HMCN1: variants seen among roughly 807,000 people sequenced by gnomAD.
HMCN1 encodes the protein hemicentin-1.
A neutral mutation model predicts 625.9 loss-of-function variants in HMCN1; 321 were observed. That is an observed-to-expected ratio of 0.51 (90% CI 0.47 to 0.56). The LOEUF is 0.56. HMCN1 is among the 20% of genes least tolerant of loss of function. The probability of loss-of-function intolerance (pLI) is 0.00; values close to 1 mark genes in which losing one functional copy is unlikely to be tolerated. For missense variants in HMCN1, 6,588 were observed against 6,887.3 expected (o/e 0.96, Z 1.54); for synonymous variants, 2,425 against 2,417.6 (o/e 1.00, Z -0.09).
rs577557367 is a variant in HMCN1, at chr1:185,806,080, ATAATAT to A, written c.269-39945_269-39940del. Reference sequence around the variant, plus strand: ...GTACAAACTTGATATAATAATAATAATAATATAATAATAGGTAACTTTTATTAAGAG... The same window carrying A: ...GTACAAACTTGATATAATAATAATAAAATAATAGGTAACTTTTATTAAGAG... On this transcript the variant is annotated intron_variant, in intron 1 of 106. Transcript: ENST00000271588. 2.1e-3 allele frequency among the ~76,000 whole-genome samples: 313 copies of A among 152,076 alleles called. 2 individuals are homozygous for A. The highest frequency in any genetic ancestry group is 7.0e-3 in the African/African-American group (291 of 41,534).
intron 1 of HMCN1, among the ~76,000 whole-genome samples, chr1:185,838,111 G>C (rs761876686): frequency 1.2e-4 from 19 of 152,064 alleles, no homozygotes; most frequent in Non-Finnish European, 2.5e-4. Flanking sequence ...TCTTCCTCAC[G>C]ATATAGGTTG....
At position 186,137,971 on chromosome 1, in the gene HMCN1, A is replaced by G; in HGVS notation, c.13923A>G (p.Pro4641=). Residue 4641 remains proline (P), a splice_region_variant and synonymous_variant, in exon 89 of 107, where the codon CCA becomes CCG. Transcript: ENST00000271588. ...EIIMCNIRPC[P]VHGAWSAWQP... is the part of the protein sequence containing the mutation. Reference sequence around the variant, plus strand: ...TTATGTGCAACATTAGGCCTTGCCCAGGTGAGAAACCACCAATAATGCTAA... The same window carrying G: ...TTATGTGCAACATTAGGCCTTGCCCGGGTGAGAAACCACCAATAATGCTAA... 6.2e-7 allele frequency: 1 copy of G among 1,613,970 alleles called. No homozygotes were observed.
Position 185,982,392 on chromosome 1 carries a change from A to G in HMCN1, c.2790+3A>G, listed in dbSNP as rs1449542159. The G allele has an allele frequency of 2.5e-6, 4 of 1,612,798 alleles. No homozygotes were observed. The highest frequency in any genetic ancestry group is 1.7e-6 in the Non-Finnish European group (2 of 1,179,166). ...GGTGGATTAAGAATTCAGCTATGGT[A>G]AGAACATTTTAAATGCATGCATTCA... On this transcript the variant is annotated splice_donor_region_variant and intron_variant, in intron 18 of 106. Coordinates refer to ENST00000271588, the MANE Select transcript of HMCN1 (RefSeq NM_031935.3).
chr1:185,932,215 A>T (rs749640730), intron 10 of HMCN1, among the ~76,000 whole-genome samples: 5 of 152,220 alleles, frequency 3.3e-5, no homozygotes, highest in Non-Finnish European at 7.3e-5. Context: ...AAATAATTAA[A>T]CATTATTTTT....
At chr1:185,899,126 A>T (rs1337363606) in intron 4 of HMCN1, among the ~76,000 whole-genome samples, 1 of 152,132 alleles carries the variant, frequency 6.6e-6, no homozygotes, top group Non-Finnish European at 1.5e-5. Context: ...TTAAGCTATG[A>T]TAGACCATTA....
At chr1:186,152,694 G>A in intron 95 of HMCN1, 56 bp from the exon 96 acceptor site, 1 of 1,610,022 alleles carries the variant, frequency 6.2e-7, no homozygotes, top group Non-Finnish European at 8.5e-7. Context: ...AATCTGCTCT[G>A]TGCTTACAGA....
At chr1:185,966,142 T>G in intron 14 of HMCN1, among the ~76,000 whole-genome samples, 1 of 152,148 alleles carries the variant, frequency 6.6e-6, no homozygotes, top group East Asian at 1.9e-4. Flanking sequence ...AGTTCGCCTT[T>G]GCTAATCCAG....
intron 92 of HMCN1, 89 bp from the exon 93 acceptor site, chr1:186,145,664 A>AAGTT: frequency 6.2e-7 from 1 of 1,611,258 alleles, no homozygotes; most frequent in Non-Finnish European, 8.5e-7. Flanking sequence ...CTTAAAATGA[A>AAGTT]AGTTGTATAG....
chr1:185,817,358 G>A (rs1365152039), intron 1 of HMCN1, among the ~76,000 whole-genome samples: 1 of 152,146 alleles, frequency 6.6e-6, no homozygotes, highest in Non-Finnish European at 1.5e-5. Flanking sequence ...GTGCCTCCAG[G>A]TTGATGGGAC....
At position 186,189,794 on chromosome 1, in the gene HMCN1, A is replaced by AG; in HGVS notation, c.16825dup (p.Ala5609GlyfsTer11). 1 of 1,613,860 alleles carries AG rather than the reference A, an allele frequency of 6.2e-7. No individual in the cohort carries two copies. The highest frequency in any genetic ancestry group is 8.5e-7 in the Non-Finnish European group (1 of 1,179,890). On this transcript the variant is annotated frameshift_variant, in exon 107 of 107. Coordinates refer to ENST00000271588, the MANE Select transcript of HMCN1 (RefSeq NM_031935.3). LOFTEE classifies it high-confidence loss of function. ...CAGAGACCTACCGCATGAGGGTCCG[A>AG]GCCTCATCCTACAGTGCCAATGGGA...
chr1:185,752,467 G>T (rs73058389), intron 1 of HMCN1, among the ~76,000 whole-genome samples: 4,660 of 151,976 alleles, frequency 0.031, 252 homozygotes, highest in African/African-American at 0.11. Flanking sequence ...TTTTTATTTT[G>T]GGCGTTGGAA....
intron 36 of HMCN1, among the ~76,000 whole-genome samples, chr1:186,028,734 T>TG (rs1483632039): frequency 6.6e-6 from 1 of 151,392 alleles, no homozygotes; most frequent in East Asian, 1.9e-4. Context: ...TATTTTTTTT[T>TG]TTTTTTTTGA....
intron 97 of HMCN1, among the ~76,000 whole-genome samples, chr1:186,164,425 G>GAGAC (rs1407745595): frequency 6.6e-6 from 1 of 151,864 alleles, no homozygotes; most frequent in Non-Finnish European, 1.5e-5. Context: ...ATTTTTAGTA[G>GAGAC]AGACAGACGG....
At chr1:186,132,529 A>C (rs1191460637) in intron 86 of HMCN1, 120 bp downstream of exon 86, 2 of 819,904 alleles carry the variant, frequency 2.4e-6, no homozygotes, top group African/African-American at 3.4e-5. Flanking sequence ...AGTGTGTCTA[A>C]TTTAGTTTTC....
intron 51 of HMCN1, 124 bp from the exon 52 acceptor site, chr1:186,070,488 G>T: frequency 1.2e-6 from 1 of 804,680 alleles, no homozygotes; most frequent in Non-Finnish European, 2.1e-6. Flanking sequence ...TTAATGAAAG[G>T]TCAGCATAGA....
chr1:186,048,840 G>GT lies in HMCN1; in HGVS notation c.6577+2dup, dbSNP rs1190118827. ...AAAAACTACAATGTCAACATTTGGG[G>GT]TAAGTGTAATCAGCTCTTGAAAGCA... On this transcript the variant is annotated splice_donor_variant, in intron 42 of 106. Coordinates refer to ENST00000271588, the MANE Select transcript of HMCN1 (RefSeq NM_031935.3). LOFTEE classifies it high-confidence loss of function. 1 of 1,589,024 alleles carries GT rather than the reference G, an allele frequency of 6.3e-7. No individual in the cohort carries two copies. Among genetic ancestry groups the GT allele is most frequent in the Non-Finnish European group, 8.6e-7 (1 of 1,158,748 alleles).
chr1:186,115,455 G>A (rs1393283029), intron 75 of HMCN1, 41 bp downstream of exon 75: 2 of 1,555,354 alleles, frequency 1.3e-6, no homozygotes, highest in South Asian at 1.1e-5. Context: ...TTTACAAACA[G>A]TTTGTAATGA....
At chr1:185,737,767 G>A (rs1277285832) in intron 1 of HMCN1, among the ~76,000 whole-genome samples, 3 of 152,128 alleles carry the variant, frequency 2.0e-5, no homozygotes, top group Non-Finnish European at 4.4e-5. Flanking sequence ...TGAAATAATG[G>A]ATGAATTCTG....
intron 6 of HMCN1, among the ~76,000 whole-genome samples, chr1:185,917,719 G>GAA (rs1246402432): frequency 6.6e-6 from 1 of 152,188 alleles, no homozygotes; most frequent in African/African-American, 2.4e-5. Context: ...CTGCCTTGAA[G>GAA]GGACTTTCAA....
Sources: allele counts gnomAD v4.1 joint callset (sites outside exome capture counted in the v4.1 genomes callset), GRCh38; gene constraint gnomAD v4.1.1; transcripts MANE v1.5; gene names NCBI Gene and HGNC (gene_info 2026-07-23, HGNC 2026-07-21).